Variants in CCDC171 observed in about 807,000 individuals in gnomAD.
CCDC171 encodes the protein coiled-coil domain containing 171, also known as coiled-coil domain-containing protein 171.
In CCDC171, 177 loss-of-function variants were observed where a neutral mutation model predicts 168.2. That is an observed-to-expected ratio of 1.05 (90% CI 0.93 to 1.19). The LOEUF is 1.19. CCDC171 is among the 50% of genes most tolerant of loss of function. The probability of loss-of-function intolerance (pLI) is 0.00; values close to 1 mark genes in which losing one functional copy is unlikely to be tolerated. For synonymous variants in CCDC171, 687 were observed against 540.8 expected, an observed-to-expected ratio of 1.27 and a Z score of -3.75; for missense variants, 1,991 against 1,539.0, an observed-to-expected ratio of 1.29 and a Z score of -4.91.
intron 7 of CCDC171, among the ~76,000 whole-genome samples, chr9:15,640,295 G>C (rs1367595142): frequency 6.6e-6 from 1 of 151,978 alleles, no homozygotes; most frequent in Non-Finnish European, 1.5e-5. Flanking sequence ...TTACATGGCA[G>C]TTCCCGTGTT....
chr9:15,846,115 G>A (rs1393428498), intron 21 of CCDC171, among the ~76,000 whole-genome samples: 1 of 152,014 alleles, frequency 6.6e-6, no homozygotes, highest in African/African-American at 2.4e-5. Flanking sequence ...TATCCTTGAC[G>A]TGAGAGTTAT....
intron 6 of CCDC171, among the ~76,000 whole-genome samples, chr9:16,031,220 A>T (rs577337618): frequency 6.6e-6 from 1 of 152,182 alleles, no homozygotes; most frequent in East Asian, 1.9e-4. Context: ...GCTTCTCCCA[A>T]CTGGAACACC....
At chr9:15,693,143 A>G (rs920698400) in intron 10 of CCDC171, among the ~76,000 whole-genome samples, 6 of 151,986 alleles carry the variant, frequency 3.9e-5, no homozygotes, top group African/African-American at 1.4e-4. Context: ...TCTCAAAACA[A>G]AACAAAACAA....
At chr9:15,691,544 TTTTATATATATATATA>T (rs1267171573) in intron 10 of CCDC171, among the ~76,000 whole-genome samples, 74 of 87,792 alleles carry the variant, frequency 8.4e-4, no homozygotes, top group Non-Finnish European at 1.5e-3. Flanking sequence ...AATATATGTT[TTTTATATATATATATA>T]TATATATATA....
intron 6 of CCDC171, among the ~76,000 whole-genome samples, chr9:15,600,717 A>G (rs1197412057): frequency 6.6e-6 from 1 of 152,180 alleles, no homozygotes; most frequent in Non-Finnish European, 1.5e-5. Flanking sequence ...TTGTTTGGCT[A>G]TGCCCTGCCC....
chr9:15,642,315 G>GTATATATATA (rs150606956), intron 7 of CCDC171, among the ~76,000 whole-genome samples: 57 of 121,468 alleles, frequency 4.7e-4, no homozygotes, highest in South Asian at 3.9e-3. Flanking sequence ...ATGTATACAC[G>GTATATATATA]TATATATATA....
At chr9:15,917,863 G>A (rs932152818) in intron 24 of CCDC171, among the ~76,000 whole-genome samples, 36 of 151,632 alleles carry the variant, frequency 2.4e-4, no homozygotes, top group African/African-American at 8.7e-4. Context: ...GCATGTTTCA[G>A]CCTTTTATAC....
chr9:15,556,652 A>G (rs1339336442), intron 1 of CCDC171, among the ~76,000 whole-genome samples: 1 of 152,024 alleles, frequency 6.6e-6, no homozygotes, highest in African/African-American at 2.4e-5. Flanking sequence ...CCTTTGTCAG[A>G]TGGGTAGATT....
intron 24 of CCDC171, among the ~76,000 whole-genome samples, chr9:15,903,896 C>A (rs188145762): frequency 1.3e-5 from 2 of 151,950 alleles, no homozygotes; most frequent in Non-Finnish European, 2.9e-5. Flanking sequence ...CCTCAGTAGC[C>A]GATTTGATCA....
At chr9:15,952,686 C>T (rs761469289) in intron 25 of CCDC171, among the ~76,000 whole-genome samples, 41 of 152,062 alleles carry the variant, frequency 2.7e-4, no homozygotes, top group African/African-American at 9.4e-4. Flanking sequence ...CATGAGCCAC[C>T]GCGCGCGGCC....
intron 7 of CCDC171, among the ~76,000 whole-genome samples, chr9:15,655,089 G>A (rs796159475): frequency 5.1e-4 from 78 of 151,950 alleles, no homozygotes; most frequent in African/African-American, 1.7e-3. Context: ...GTTAAATGAC[G>A]AGTTAATGGG....
chr9:15,947,122 G>A (rs1420445222), intron 25 of CCDC171, among the ~76,000 whole-genome samples: 1 of 151,844 alleles, frequency 6.6e-6, no homozygotes, highest in Non-Finnish European at 1.5e-5. Flanking sequence ...TATGAATTTG[G>A]ATAATGGAAG....
the CCDC171 span, among the ~76,000 whole-genome samples, chr9:16,103,299 G>C: frequency 6.6e-6 from 1 of 152,204 alleles, no homozygotes; most frequent in African/African-American, 2.4e-5. Context: ...GAGTGGGCAA[G>C]GGATGGGCCT....
At chr9:15,641,245 A>C (rs1011386262) in intron 7 of CCDC171, among the ~76,000 whole-genome samples, 1 of 152,166 alleles carries the variant, frequency 6.6e-6, no homozygotes, top group Non-Finnish European at 1.5e-5. Context: ...CTAACATACA[A>C]CACACTCCTG....
At chr9:16,092,967 A>T in the CCDC171 span, among the ~76,000 whole-genome samples, 1 of 152,186 alleles carries the variant, frequency 6.6e-6, no homozygotes, top group African/African-American at 2.4e-5. Context: ...CTGGCAGAGC[A>T]CAAGGCTGTG....
At chr9:15,829,345 G>A (rs1314536211) in intron 21 of CCDC171, among the ~76,000 whole-genome samples, 1 of 152,162 alleles carries the variant, frequency 6.6e-6, no homozygotes, top group Non-Finnish European at 1.5e-5. Flanking sequence ...TAACTTGAGG[G>A]AAGATGATGG....
At chr9:15,584,634 T>A (rs1252432900) in intron 4 of CCDC171, among the ~76,000 whole-genome samples, 1 of 152,106 alleles carries the variant, frequency 6.6e-6, no homozygotes, top group Non-Finnish European at 1.5e-5. Context: ...CTTTCTAGAT[T>A]TTATATCTTG....
chr9:15,630,865 A>T (rs1030816971), intron 7 of CCDC171, among the ~76,000 whole-genome samples: 3 of 152,198 alleles, frequency 2.0e-5, no homozygotes, highest in African/African-American at 7.2e-5. Context: ...GGATTAAGAA[A>T]CTCACTCAAA....
chr9:15,602,546 T>C (rs945750021), intron 6 of CCDC171, among the ~76,000 whole-genome samples: 5 of 151,790 alleles, frequency 3.3e-5, no homozygotes, highest in Non-Finnish European at 5.9e-5. Context: ...TAAATAGAGG[T>C]GTCCTTCTCT....
Sources: allele counts gnomAD v4.1 joint callset (sites outside exome capture counted in the v4.1 genomes callset), GRCh38; gene constraint gnomAD v4.1.1; transcripts MANE v1.5; gene names NCBI Gene and HGNC (gene_info 2026-07-23, HGNC 2026-07-21).